MACROD2: variants seen among roughly 807,000 people sequenced by gnomAD.
The protein encoded by MACROD2 is mono-ADP ribosylhydrolase 2.
A neutral mutation model predicts 70.4 loss-of-function variants in MACROD2; 36 were observed. The observed-to-expected ratio is 0.51, with a 90% CI of 0.39 to 0.68. MACROD2 has a LOEUF of 0.68. MACROD2 is among the 30% of genes least tolerant of loss of function. The probability of loss-of-function intolerance (pLI) is 0.00; values close to 1 mark genes in which losing one functional copy is unlikely to be tolerated. For missense variants in MACROD2, 496 were observed against 538.4 expected (o/e 0.92, Z 0.78); for synonymous variants, 172 against 178.8 (o/e 0.96, Z 0.30).
At chr20:15,878,869 C>A (rs1483512068) in intron 9 of MACROD2, among the ~76,000 whole-genome samples, 1 of 152,076 alleles carries the variant, frequency 6.6e-6, no homozygotes, top group African/African-American at 2.4e-5. Context: ...ACTTGTTATT[C>A]ATGAGAAACT....
chr20:15,105,845 C>G (rs563094384), intron 5 of MACROD2, among the ~76,000 whole-genome samples: 20 of 152,192 alleles, frequency 1.3e-4, no homozygotes, highest in African/African-American at 4.8e-4. Flanking sequence ...CAGCCTCAGG[C>G]AGGCTAAGGA....
chr20:15,068,455 G>A (rs758745946), intron 5 of MACROD2, among the ~76,000 whole-genome samples: 3 of 152,304 alleles, frequency 2.0e-5, no homozygotes, highest in South Asian at 4.1e-4. Flanking sequence ...ATATAGAAAT[G>A]TGACCCCCCG....
Position 15,172,763 on chromosome 20 carries a change from A to G in MACROD2, c.419-57177A>G, listed in dbSNP as rs150707308. On this transcript the variant is annotated intron_variant, in intron 5 of 17. Transcript: ENST00000684519. ...CTTGAAAAAGATCTGAACATTGACT[A>G]GTCAAGTGCAGATTAATAATTATCA... Among the ~76,000 whole-genome samples the G allele has an allele frequency of 2.4e-3, 369 of 152,318 alleles. 2 individuals are homozygous for G. Among genetic ancestry groups the G allele is most frequent in the African/African-American group, 8.4e-3 (351 of 41,570 alleles).
chr20:14,400,850 C>G (rs912850192), intron 3 of MACROD2, among the ~76,000 whole-genome samples: 7 of 152,208 alleles, frequency 4.6e-5, no homozygotes, highest in Non-Finnish European at 8.8e-5. Context: ...AGTCCTTTTA[C>G]CATATTTATA....
At chr20:15,647,351 T>C (rs1189872599) in intron 8 of MACROD2, among the ~76,000 whole-genome samples, 1 of 152,128 alleles carries the variant, frequency 6.6e-6, no homozygotes, top group Admixed American at 6.5e-5. Context: ...AAAGATGGTA[T>C]GTATGAAGAG....
chr20:15,398,950 T>C (rs192417322), intron 6 of MACROD2, among the ~76,000 whole-genome samples: 4 of 152,322 alleles, frequency 2.6e-5, no homozygotes, highest in African/African-American at 9.6e-5. Flanking sequence ...CCCAAATTAC[T>C]ATGATTACAT....
At chr20:15,948,726 A>C (rs1308351613) in intron 12 of MACROD2, among the ~76,000 whole-genome samples, 1 of 152,190 alleles carries the variant, frequency 6.6e-6, no homozygotes, top group African/African-American at 2.4e-5. Flanking sequence ...CCTAAGTGGC[A>C]ATTGGAAGGT....
chr20:14,524,226 C>G (rs1318962403), intron 4 of MACROD2, among the ~76,000 whole-genome samples: 1 of 152,180 alleles, frequency 6.6e-6, no homozygotes, highest in African/African-American at 2.4e-5. Context: ...TTTCCTTCAA[C>G]TTATTTCACC....
At chr20:15,041,100 C>T (rs1027819846) in intron 5 of MACROD2, among the ~76,000 whole-genome samples, 1 of 152,138 alleles carries the variant, frequency 6.6e-6, no homozygotes, top group Non-Finnish European at 1.5e-5. Context: ...GCTGTATTTA[C>T]TCACTTCCAT....
intron 4 of MACROD2, among the ~76,000 whole-genome samples, chr20:14,496,071 G>A (rs960898371): frequency 1.3e-5 from 2 of 152,018 alleles, no homozygotes; most frequent in Non-Finnish European, 2.9e-5. Context: ...GCTGATTTTT[G>A]ACCTTATGAT....
At chr20:14,807,116 T>G (rs1218285464) in intron 5 of MACROD2, among the ~76,000 whole-genome samples, 2 of 152,124 alleles carry the variant, frequency 1.3e-5, no homozygotes, top group Non-Finnish European at 2.9e-5. Flanking sequence ...CCTCCTCAAG[T>G]GTGTCCCTGT....
At chr20:14,696,956 C>T (rs2071133348) in intron 5 of MACROD2, among the ~76,000 whole-genome samples, 1 of 152,186 alleles carries the variant, frequency 6.6e-6, no homozygotes, top group Non-Finnish European at 1.5e-5. Context: ...TACATGTCAT[C>T]TCTCATGACC....
intron 3 of MACROD2, among the ~76,000 whole-genome samples, chr20:14,099,899 T>A (rs747702635): frequency 1.3e-5 from 2 of 152,140 alleles, no homozygotes; most frequent in Non-Finnish European, 2.9e-5. Flanking sequence ...TATACCATGA[T>A]AAATCAAATT....
rs1290290336 is a variant in MACROD2, at chr20:15,102,026, G to A, written c.419-127914G>A. On this transcript the variant is annotated intron_variant, in intron 5 of 17. Transcript: ENST00000684519. ...CATGCACAAAATGCTCAAATCATAA[G>A]GTAAAGCACAAACAAAATAAGTTAA... 3.3e-5 allele frequency among the ~76,000 whole-genome samples: 5 copies of A among 151,846 alleles called. No homozygotes were observed. The East Asian group carries it at 9.7e-4, about 29-fold the overall frequency.
At chr20:14,996,900 C>T (rs2074954853) in intron 5 of MACROD2, among the ~76,000 whole-genome samples, 1 of 152,152 alleles carries the variant, frequency 6.6e-6, no homozygotes, top group African/African-American at 2.4e-5. Context: ...GTCCTTGTGG[C>T]CTAGACTGCC....
At chr20:14,972,423 T>C (rs1189383247) in intron 5 of MACROD2, among the ~76,000 whole-genome samples, 2 of 152,176 alleles carry the variant, frequency 1.3e-5, no homozygotes, top group Non-Finnish European at 2.9e-5. Flanking sequence ...TTCCTAAGCA[T>C]AGGGTTGGGT....
chr20:14,422,464 T>C (rs1366228916), intron 3 of MACROD2, among the ~76,000 whole-genome samples: 2 of 152,208 alleles, frequency 1.3e-5, no homozygotes, highest in African/African-American at 2.4e-5. Flanking sequence ...TGTTTTCTTA[T>C]AGCTTTTTTG....
At chr20:14,829,029 A>G (rs566927733) in intron 5 of MACROD2, among the ~76,000 whole-genome samples, 11 of 149,484 alleles carry the variant, frequency 7.4e-5, no homozygotes, top group African/African-American at 2.5e-4. Flanking sequence ...CTATCAAGCT[A>G]TCACCTAGGT....
chr20:14,710,669 C>T (rs2123661285), intron 5 of MACROD2, among the ~76,000 whole-genome samples: 1 of 152,270 alleles, frequency 6.6e-6, no homozygotes, highest in East Asian at 1.9e-4. Flanking sequence ...TAACATCTTC[C>T]TCATTGCCAT....
Sources: gnomAD v4.1 joint callset for allele counts (sites outside exome capture counted in the v4.1 genomes callset) on GRCh38, gnomAD v4.1.1 for gene constraint, MANE v1.5 for transcripts, NCBI Gene and HGNC (gene_info 2026-07-23, HGNC 2026-07-21) for gene names.